The following ANK2 variants were observed in gnomAD, a reference collection of about 807,000 sequenced individuals.
The protein encoded by ANK2 is ankyrin 2.
In ANK2, 83 loss-of-function variants were observed where a neutral mutation model predicts 360.5. That is an observed-to-expected ratio of 0.23 (90% confidence interval 0.19 to 0.28). ANK2 has a LOEUF of 0.28. ANK2 is among the 10% of genes least tolerant of loss of function. The pLI is 1.00. For synonymous variants in ANK2, 1,740 were observed against 1,759.5 expected (o/e 0.99, Z 0.28); for missense variants, 4,201 against 4,795.7 (o/e 0.88, Z 3.66).
intron 1 of ANK2, among the ~76,000 whole-genome samples, chr4:112,872,154 G>C (rs917075465): frequency 6.6e-6 from 1 of 151,298 alleles, no homozygotes; most frequent in Non-Finnish European, 1.5e-5. Context: ...AGCTTCCTTA[G>C]TAACTGGGAC....
intron 1 of ANK2, among the ~76,000 whole-genome samples, chr4:113,160,536 C>T (rs527605194): frequency 4.6e-5 from 7 of 152,310 alleles, no homozygotes; most frequent in African/African-American, 9.6e-5. Context: ...TAATTCATAT[C>T]GACCAATGCT....
chr4:112,804,211 G>T, the ANK2 span, among the ~76,000 whole-genome samples: 1 of 151,910 alleles, frequency 6.6e-6, no homozygotes, highest in Admixed American at 6.6e-5. Context: ...TAGTAGAGAC[G>T]GGGTTTCACC....
chr4:113,060,893 T>C (rs2072966344), intron 1 of ANK2, among the ~76,000 whole-genome samples: 1 of 152,072 alleles, frequency 6.6e-6, no homozygotes, highest in Non-Finnish European at 1.5e-5. Flanking sequence ...ATTTGTCAAA[T>C]GGCTGACACC....
At chr4:112,723,058 G>A in the ANK2 span, among the ~76,000 whole-genome samples, 1 of 152,080 alleles carries the variant, frequency 6.6e-6, no homozygotes, top group Non-Finnish European at 1.5e-5. Context: ...GCCATCCAAC[G>A]AAACTAAGTT....
intron 11 of ANK2, 61 bp downstream of exon 11, chr4:113,255,993 T>A: frequency 6.4e-7 from 1 of 1,550,618 alleles, no homozygotes; most frequent in Non-Finnish European, 8.9e-7. Flanking sequence ...CCCACATTCA[T>A]TGACCAACAT....
intron 2 of ANK2, among the ~76,000 whole-genome samples, chr4:113,187,692 C>T (rs954204386): frequency 7.9e-5 from 12 of 152,136 alleles, no homozygotes; most frequent in African/African-American, 2.2e-4. Flanking sequence ...TTACATGAAC[C>T]TATTTCAAAG....
At chr4:113,293,252 C>T in intron 21 of ANK2, 188 bp from the exon 22 acceptor site, 1 of 696,396 alleles carries the variant, frequency 1.4e-6, no homozygotes, top group Non-Finnish European at 2.6e-6. Flanking sequence ...ACCATGGTGA[C>T]CTGGCCTATA....
In ANK2 at chr4:113,358,398, A is replaced by G. The variant is rs1317260203; in HGVS notation, c.9780A>G (p.Thr3260=). ...PAVQVQLDFS[T]LTRSVYSDRG... is the part of the protein sequence containing the mutation. Reference sequence around the variant, plus strand: ...TACAAGTCCAGTTAGATTTTTCCACACTCACCAGGTCTGTTTATTCAGATA... The same window carrying G: ...TACAAGTCCAGTTAGATTTTTCCACGCTCACCAGGTCTGTTTATTCAGATA... Residue 3260 remains threonine (T), a synonymous_variant, in exon 38 of 46, where the codon ACA becomes ACG. Transcript: ENST00000357077. The G allele has an allele frequency of 3.1e-6, 5 of 1,613,772 alleles. No homozygotes were observed.
intron 1 of ANK2, among the ~76,000 whole-genome samples, chr4:112,859,324 A>G (rs535505306): frequency 6.6e-6 from 1 of 152,344 alleles, no homozygotes; most frequent in African/African-American, 2.4e-5. Context: ...TTTCTCAATT[A>G]ATTGTATTTT....
chr4:112,754,611 A>G, the ANK2 span, among the ~76,000 whole-genome samples: 1 of 152,008 alleles, frequency 6.6e-6, no homozygotes, highest in African/African-American at 2.4e-5. Flanking sequence ...TCTCCAAAAA[A>G]CAGGGCCCAC....
At chr4:113,197,696 A>C (rs1164880511) in intron 3 of ANK2, among the ~76,000 whole-genome samples, 1 of 152,238 alleles carries the variant, frequency 6.6e-6, no homozygotes, top group Admixed American at 6.5e-5. Flanking sequence ...TATAGTAAAC[A>C]GCAATTCTAG....
chr4:113,320,614 C>T (rs2085610967), intron 26 of ANK2, among the ~76,000 whole-genome samples: 1 of 152,044 alleles, frequency 6.6e-6, no homozygotes, highest in South Asian at 2.1e-4. Flanking sequence ...TAGACTGCAC[C>T]ACTGCTCTCC....
At chr4:113,070,384 AGGGT>A (rs2077125753) in intron 1 of ANK2, among the ~76,000 whole-genome samples, 1 of 152,100 alleles carries the variant, frequency 6.6e-6, no homozygotes, top group Non-Finnish European at 1.5e-5. Flanking sequence ...CCTAATTAGA[AGGGT>A]AGTGGTGATT....
At chr4:113,246,803 A>G (rs951016587) in intron 9 of ANK2, among the ~76,000 whole-genome samples, 2 of 152,172 alleles carry the variant, frequency 1.3e-5, no homozygotes, top group African/African-American at 4.8e-5. Context: ...TAAGTACTCT[A>G]CAAATATCAT....
At chr4:113,006,883 T>G (rs532668816) in intron 2 of ANK2, among the ~76,000 whole-genome samples, 80 of 151,730 alleles carry the variant, frequency 5.3e-4, no homozygotes, top group African/African-American at 1.9e-3. Context: ...TTGTCATGAA[T>G]CCATTATGAA....
intron 1 of ANK2, among the ~76,000 whole-genome samples, chr4:112,865,031 CAAAAAAAAAAAAAAAAAAAAAAAAAAAAA>C (rs56149739): frequency 3.8e-5 from 2 of 52,464 alleles, no homozygotes; most frequent in Middle Eastern, 0.015. Context: ...GACTCCATCT[CAAAAAAAAAAAAAAAAAAAAAAAAAAAAA>C]AAAAAAAAAA....
At chr4:113,228,117 A>G (rs2099247393) in intron 4 of ANK2, among the ~76,000 whole-genome samples, 1 of 152,110 alleles carries the variant, frequency 6.6e-6, no homozygotes, top group South Asian at 2.1e-4. Flanking sequence ...CAAGATCTTG[A>G]ATGTTTGTCT....
chr4:112,890,556 G>GTTTTT (rs754680934), intron 1 of ANK2, among the ~76,000 whole-genome samples: 824 of 67,472 alleles, frequency 0.012, 118 homozygotes, highest in African/African-American at 0.019. Flanking sequence ...CATTTCTGTG[G>GTTTTT]TTTTTTTTTT....
At chr4:112,769,145 A>G in the ANK2 span, among the ~76,000 whole-genome samples, 3 of 152,048 alleles carry the variant, frequency 2.0e-5, no homozygotes, top group African/African-American at 7.2e-5. Context: ...TTTCTTCTTC[A>G]TATGTCTCGT....
Sources: allele counts gnomAD v4.1 joint callset (sites outside exome capture counted in the v4.1 genomes callset), GRCh38; gene constraint gnomAD v4.1.1; transcripts MANE v1.5; gene names NCBI Gene and HGNC (gene_info 2026-07-23, HGNC 2026-07-21).